The following PCDH15 variants were observed in gnomAD, a reference collection of about 807,000 sequenced individuals.
The protein encoded by PCDH15 is protocadherin-15.
Under a neutral mutation model 178.5 loss-of-function variants are expected in PCDH15, and 129 were observed. The observed-to-expected ratio is 0.72, with a 90% CI of 0.63 to 0.84. The LOEUF (loss-of-function observed/expected upper bound fraction) is 0.84, where lower values mean the gene tolerates loss of function less well. Ranked by LOEUF, PCDH15 falls within the 40% of genes least tolerant of loss-of-function variation. PCDH15 has a pLI of 0.00. For synonymous variants in PCDH15, 800 were observed against 732.0 expected (o/e 1.09, Z -1.50); for missense variants, 2,230 against 2,099.9 (o/e 1.06, Z -1.21).
chr10:55,187,281 A>G (rs923096844), intron 1 of PCDH15, among the ~76,000 whole-genome samples: 2 of 152,056 alleles, frequency 1.3e-5, no homozygotes, highest in African/African-American at 4.8e-5. Context: ...ATTTTTTCAT[A>G]TTGAAATGCA....
intron 9 of PCDH15, among the ~76,000 whole-genome samples, chr10:54,216,914 G>T (rs1215541114): frequency 6.6e-6 from 1 of 152,018 alleles, no homozygotes; most frequent in African/African-American, 2.4e-5. Flanking sequence ...AATGATAAAT[G>T]ATAGATATCT....
intron 2 of PCDH15, among the ~76,000 whole-genome samples, chr10:55,111,510 T>A (rs1183217016): frequency 6.6e-6 from 1 of 152,044 alleles, no homozygotes; most frequent in Non-Finnish European, 1.5e-5. Flanking sequence ...CTTAACTCAA[T>A]TGGGAGTCCA....
chr10:53,928,666 A>G (rs1033806784), intron 25 of PCDH15, among the ~76,000 whole-genome samples: 2 of 151,988 alleles, frequency 1.3e-5, no homozygotes, highest in Non-Finnish European at 2.9e-5. Flanking sequence ...TTTGCATTTA[A>G]TAGGGCTTAG....
chr10:55,209,433 CAAGT>C (rs959985539), intron 1 of PCDH15, among the ~76,000 whole-genome samples: 4 of 151,796 alleles, frequency 2.6e-5, no homozygotes, highest in African/African-American at 9.7e-5. Context: ...TACAAGGAGA[CAAGT>C]AAGGAGGCTA....
chr10:55,474,813 A>C (rs1840031749), intron 2 of PCDH15, among the ~76,000 whole-genome samples: 1 of 152,086 alleles, frequency 6.6e-6, no homozygotes, highest in Admixed American at 6.5e-5. Context: ...TTTTTTGTAT[A>C]ATAATCACAT....
intron 25 of PCDH15, among the ~76,000 whole-genome samples, chr10:53,915,157 A>C (rs577257848): frequency 1.1e-4 from 17 of 152,220 alleles, no homozygotes; most frequent in Non-Finnish European, 2.1e-4. Flanking sequence ...TTCACTAAAA[A>C]TATAAAGTAG....
chr10:54,290,020 A>G (rs1044997593), intron 8 of PCDH15, among the ~76,000 whole-genome samples: 3 of 152,222 alleles, frequency 2.0e-5, no homozygotes, highest in African/African-American at 7.2e-5. Flanking sequence ...ATGCAGGCCA[A>G]CATTCAAATT....
chr10:55,076,931 G>T (rs1327986651), intron 2 of PCDH15, among the ~76,000 whole-genome samples: 1 of 151,348 alleles, frequency 6.6e-6, no homozygotes, highest in East Asian at 2.0e-4. Flanking sequence ...ACCACGACTG[G>T]CTAATTTTGG....
intron 1 of PCDH15, among the ~76,000 whole-genome samples, chr10:55,189,777 C>A (rs191837406): frequency 6.6e-6 from 1 of 151,676 alleles, no homozygotes; most frequent in African/African-American, 2.4e-5. Flanking sequence ...TAAATGTTGA[C>A]AAAAATTGGG....
intron 1 of PCDH15, among the ~76,000 whole-genome samples, chr10:54,721,715 GA>G (rs1231140299): frequency 6.6e-6 from 1 of 151,688 alleles, no homozygotes; most frequent in African/African-American, 2.4e-5. Context: ...TAACAAAGTT[GA>G]ATCATCAACA....
chr10:55,135,842 C>G (rs1244542780), intron 2 of PCDH15, among the ~76,000 whole-genome samples: 2 of 151,946 alleles, frequency 1.3e-5, no homozygotes, highest in African/African-American at 4.8e-5. Flanking sequence ...CCTCAGCCTC[C>G]CAAAGTGCTG....
chr10:54,453,040 C>G (rs1381771788), intron 3 of PCDH15, among the ~76,000 whole-genome samples: 2 of 152,042 alleles, frequency 1.3e-5, no homozygotes, highest in South Asian at 4.1e-4. Context: ...ATAAGGAACA[C>G]TTTTACACTG....
At chr10:55,095,653 A>G (rs1448289765) in intron 2 of PCDH15, among the ~76,000 whole-genome samples, 2 of 152,102 alleles carry the variant, frequency 1.3e-5, no homozygotes, top group Non-Finnish European at 2.9e-5. Context: ...TGAATTTGCA[A>G]AAGATTAAAA....
chr10:54,322,814 G>C (rs7350458), intron 7 of PCDH15, among the ~76,000 whole-genome samples: 68,812 of 151,774 alleles, frequency 0.45, 16,302 homozygotes, highest in Middle Eastern at 0.6. Flanking sequence ...CAAGGATTTC[G>C]TAATGATGAT....
At chr10:54,138,615 G>T (rs1177297441) in intron 14 of PCDH15, among the ~76,000 whole-genome samples, 1 of 152,124 alleles carries the variant, frequency 6.6e-6, no homozygotes, top group Non-Finnish European at 1.5e-5. Flanking sequence ...TCTAACCATG[G>T]TCAGGCCTGG....
intron 21 of PCDH15, among the ~76,000 whole-genome samples, chr10:53,968,306 G>T (rs2089271009): frequency 6.6e-6 from 1 of 152,146 alleles, no homozygotes; most frequent in Admixed American, 6.6e-5. Context: ...GCTAGGGGAG[G>T]GGCATCCACC....
At position 54,857,176 on chromosome 10, in the gene PCDH15, C is replaced by G. The variant is rs572021773; in HGVS notation, c.-29+40274G>C. On this transcript the variant is annotated intron_variant, in intron 3 of 5. Transcript: ENST00000458638. Reference sequence around the variant, plus strand: ...GCATCTATATCACTTATGTTAGAATCTGGAAAATAAGCACTCAGATATTTG... The same window carrying G: ...GCATCTATATCACTTATGTTAGAATGTGGAAAATAAGCACTCAGATATTTG... Among the ~76,000 whole-genome samples, 4 of 152,176 alleles carry G rather than the reference C, an allele frequency of 2.6e-5. No homozygotes were observed. The South Asian group carries it at 6.2e-4, about 24-fold the overall frequency.
chr10:54,334,749 G>C (rs1940699308), intron 6 of PCDH15, among the ~76,000 whole-genome samples: 1 of 151,992 alleles, frequency 6.6e-6, no homozygotes, highest in South Asian at 2.1e-4. Context: ...TAAAGACAGA[G>C]ACTTAGTACA....
intron 1 of PCDH15, among the ~76,000 whole-genome samples, chr10:54,698,012 T>C (rs2095259249): frequency 1.3e-5 from 2 of 151,864 alleles, no homozygotes; most frequent in African/African-American, 4.8e-5. Flanking sequence ...AGCTTTAATA[T>C]AGTATGGGTG....
Sources: gnomAD v4.1 joint callset for allele counts (sites outside exome capture counted in the v4.1 genomes callset) on GRCh38, gnomAD v4.1.1 for gene constraint, MANE v1.5 for transcripts, NCBI Gene and HGNC (gene_info 2026-07-23, HGNC 2026-07-21) for gene names.